The following PRKCQ variants were observed in gnomAD, a reference collection of about 807,000 sequenced individuals.
PRKCQ encodes protein kinase C theta type.
PRKCQ carries 41 observed loss-of-function variants against 91.2 expected under a neutral mutation model. That is an observed-to-expected ratio of 0.45 (90% CI 0.35 to 0.58). The LOEUF (loss-of-function observed/expected upper bound fraction) is 0.58, where lower values mean the gene tolerates loss of function less well. Ranked by LOEUF, PRKCQ falls within the 20% of genes least tolerant of loss-of-function variation. The pLI, the probability that PRKCQ is intolerant of heterozygous loss-of-function variation, is 0.00. For synonymous variants in PRKCQ, 307 were observed against 316.9 expected (o/e 0.97, Z 0.33); for missense variants, 673 against 896.5 (o/e 0.75, Z 3.18).
chr10:6,473,615 C>G (rs939934626), intron 12 of PRKCQ, among the ~76,000 whole-genome samples: 1 of 152,168 alleles, frequency 6.6e-6, no homozygotes, highest in African/African-American at 2.4e-5. Context: ...TGTCTTAGTG[C>G]AGGGACACGT....
chr10:6,408,046 G>GTTTTTTTTTTTT, the PRKCQ span, among the ~76,000 whole-genome samples: 7 of 84,228 alleles, frequency 8.3e-5, 1 homozygote, highest in African/African-American at 2.8e-4. Context: ...TCTTGTGTCA[G>GTTTTTTTTTTTT]TTTTTTTTTT....
chr10:6,575,867 C>T (rs1468286371), intron 1 of PRKCQ, among the ~76,000 whole-genome samples: 1 of 152,052 alleles, frequency 6.6e-6, no homozygotes, highest in Non-Finnish European at 1.5e-5. Context: ...TGGTGAAACC[C>T]CATCTCTACT....
At chr10:6,418,877 T>G in the PRKCQ span, among the ~76,000 whole-genome samples, 1 of 145,984 alleles carries the variant, frequency 6.9e-6, no homozygotes, top group African/African-American at 2.4e-5. Flanking sequence ...TCTGTCTCCA[T>G]ATTATTTGTT....
At chr10:6,505,471 C>CTCCT (rs149390731) in intron 4 of PRKCQ, among the ~76,000 whole-genome samples, 17,921 of 146,522 alleles carry the variant, frequency 0.12, 1,161 homozygotes, top group South Asian at 0.15. Flanking sequence ...GACCCTTTTT[C>CTCCT]TCCTTCCTTC....
At chr10:6,577,599 A>G in intron 1 of PRKCQ, among the ~76,000 whole-genome samples, 1 of 152,232 alleles carries the variant, frequency 6.6e-6, no homozygotes, top group East Asian at 1.9e-4. Flanking sequence ...TTTTCATTAT[A>G]TAACAATATA....
Position 6,427,932 on chromosome 10 carries a change from A to G in PRKCQ, c.*275T>C. 2.5e-6 allele frequency: 1 copy of G among 405,998 alleles called. No homozygotes were observed. Among genetic ancestry groups the G allele is most frequent in the Non-Finnish European group, 4.5e-6 (1 of 222,386 alleles). The allele number at this position is 405,998 out of a possible 1,614,324, so 25.1% of individuals were successfully genotyped here. ...AGTCTTGAAACCTTTCCAAGTGCGG[A>G]GACCCATCTTTCAAGTAAATAACTA... On this transcript the variant is annotated 3_prime_UTR_variant, in exon 18 of 18. Coordinates refer to ENST00000263125, the MANE Select transcript of PRKCQ (RefSeq NM_006257.5).
chr10:6,413,681 T>TGCGCGC, the PRKCQ span, among the ~76,000 whole-genome samples: 1 of 104,548 alleles, frequency 9.6e-6, no homozygotes, highest in Non-Finnish European at 1.9e-5. Context: ...ATGCCACTTG[T>TGCGCGC]GCACACACAC....
intron 1 of PRKCQ, among the ~76,000 whole-genome samples, chr10:6,571,256 G>C (rs1227519975): frequency 6.6e-6 from 1 of 152,132 alleles, no homozygotes; most frequent in Non-Finnish European, 1.5e-5. Flanking sequence ...ACCACAGAGG[G>C]GGCAAAGAAA....
rs115395076 is a variant in PRKCQ, at chr10:6,474,145, A to G, written c.1353+4847T>C. ...TTCTTTTTCATAAAAGAAAAATTTC[A>G]AAGTGATATTGACCAAGAATGTTCA... On this transcript the variant is annotated intron_variant, in intron 12 of 17. Transcript: ENST00000263125. 5.4e-3 allele frequency among the ~76,000 whole-genome samples: 816 copies of G among 152,364 alleles called. 7 individuals carry two copies. Among genetic ancestry groups the G allele is most frequent in the African/African-American group, 0.018 (768 of 41,584 alleles).
chr10:6,418,563 G>A, the PRKCQ span, among the ~76,000 whole-genome samples: 17 of 152,074 alleles, frequency 1.1e-4, no homozygotes. Context: ...CCGACCCCTG[G>A]CATTCAGCTC....
At chr10:6,579,606 A>G (rs1841378738) in intron 1 of PRKCQ, among the ~76,000 whole-genome samples, 1 of 151,652 alleles carries the variant, frequency 6.6e-6, no homozygotes, top group South Asian at 2.1e-4. Context: ...AAAGCTGGGG[A>G]ATAACCTCAC....
intron 7 of PRKCQ, among the ~76,000 whole-genome samples, chr10:6,493,706 A>C (rs959435199): frequency 1.3e-5 from 2 of 152,214 alleles, no homozygotes; most frequent in Non-Finnish European, 2.9e-5. Flanking sequence ...TGGGAGGTGA[A>C]AATTTGATCT....
chr10:6,471,399 G>A (rs1835959595), intron 12 of PRKCQ, among the ~76,000 whole-genome samples: 1 of 152,210 alleles, frequency 6.6e-6, no homozygotes. Flanking sequence ...AGGATTTAGT[G>A]TATCTGAGCG....
chr10:6,510,973 C>A (rs1275154768), intron 3 of PRKCQ, 22 bp downstream of exon 3: 4 of 1,613,690 alleles, frequency 2.5e-6, no homozygotes, highest in Middle Eastern at 3.3e-4. Flanking sequence ...CCCTTATGTG[C>A]ATACACTTTA....
intron 12 of PRKCQ, among the ~76,000 whole-genome samples, chr10:6,478,634 C>T (rs1177287711): frequency 6.6e-6 from 1 of 152,182 alleles, no homozygotes; most frequent in Non-Finnish European, 1.5e-5. Flanking sequence ...GATCTATTTT[C>T]CAACTTTTAT....
rs1835603840 is a variant in PRKCQ, at chr10:6,465,515, T to C, written c.1354-1111A>G. ...TATAACACTTTAGAGAAACCTGATT[T>C]TTTAAAGGGTTGTAATGCATCACAG... On this transcript the variant is annotated intron_variant, in intron 12 of 17. Transcript: ENST00000263125. This position sits in a 1 kb window ranked among gnomAD's most constrained non-coding sequence, Gnocchi z 4.4. Among the ~76,000 whole-genome samples, 1 of 152,212 alleles carries C rather than the reference T, an allele frequency of 6.6e-6. No homozygotes were observed. The highest frequency in any genetic ancestry group is 1.5e-5 in the Non-Finnish European group (1 of 68,038).
At chr10:6,400,631 G>GAA in the PRKCQ span, among the ~76,000 whole-genome samples, 350 of 136,246 alleles carry the variant, frequency 2.6e-3, no homozygotes, top group African/African-American at 3.9e-3. Flanking sequence ...CTTCCTTTCA[G>GAA]AAAAAAAAAA....
intron 1 of PRKCQ, among the ~76,000 whole-genome samples, chr10:6,552,099 G>C (rs1419578334): frequency 6.6e-6 from 1 of 151,978 alleles, no homozygotes; most frequent in Non-Finnish European, 1.5e-5. Flanking sequence ...TCATATGCTT[G>C]TTGGCTATCT....
chr10:6,572,253 A>T (rs1256873438), intron 1 of PRKCQ, among the ~76,000 whole-genome samples: 2 of 150,346 alleles, frequency 1.3e-5, no homozygotes, highest in African/African-American at 4.9e-5. Context: ...AAGTTCTGGG[A>T]TACAGGTGCA....
Sources: allele counts gnomAD v4.1 joint callset (sites outside exome capture counted in the v4.1 genomes callset), GRCh38; gene constraint gnomAD v4.1.1; non-coding constraint Gnocchi (gnomAD v3.1); transcripts MANE v1.5; gene names NCBI Gene and HGNC (gene_info 2026-07-23, HGNC 2026-07-21).